The following SYT1 variants were observed in gnomAD, a reference collection of about 807,000 sequenced individuals.
The protein encoded by SYT1 is synaptotagmin 1.
SYT1 carries 8 observed loss-of-function variants against 44.8 expected under a neutral mutation model. That is an observed-to-expected ratio of 0.18 (90% confidence interval 0.10 to 0.32). SYT1 has a LOEUF of 0.32. Ranked by LOEUF, SYT1 falls within the 10% of genes least tolerant of loss-of-function variation. The probability of loss-of-function intolerance (pLI) is 1.00; values close to 1 mark genes in which losing one functional copy is unlikely to be tolerated. For synonymous variants in SYT1, 154 were observed against 188.8 expected (o/e 0.82, Z 1.51); for missense variants, 286 against 509.3 (o/e 0.56, Z 4.22).
chr12:78,916,787 T>G (rs1009339698), intron 1 of SYT1, among the ~76,000 whole-genome samples: 1 of 152,058 alleles, frequency 6.6e-6, no homozygotes, highest in African/African-American at 2.4e-5. Flanking sequence ...AGACTTTATT[T>G]TTTAGAGCAC....
At position 78,941,065 on chromosome 12, in the gene SYT1, C is replaced by CTT. The variant is rs398044555; in HGVS notation, c.-216-36717_-216-36716dup. 5.4e-3 allele frequency among the ~76,000 whole-genome samples: 368 copies of CTT among 68,440 alleles called. 12 individuals carry two copies. Among genetic ancestry groups the CTT allele is most frequent in the Middle Eastern group, 0.011 (1 of 88 alleles). 44.9% of individuals were successfully genotyped at this position (68,440 alleles called of 152,430 possible). Reference sequence around the variant, plus strand: ...CTTTACTTTTTTTTTCTTTTTTTTTCTTTTTTTTTTTTTTTTTTGAGATGG... The same window carrying CTT: ...CTTTACTTTTTTTTTCTTTTTTTTTCTTTTTTTTTTTTTTTTTTTTGAGATGG... On this transcript the variant is annotated intron_variant, in intron 1 of 10. Transcript: ENST00000261205.
chr12:79,421,117 C>T (rs1869085623), intron 9 of SYT1, among the ~76,000 whole-genome samples: 1 of 152,042 alleles, frequency 6.6e-6, no homozygotes, highest in Non-Finnish European at 1.5e-5. Context: ...CACCACTCTG[C>T]TTTTTTTATT....
chr12:79,390,137 T>G (rs939852410), intron 9 of SYT1, among the ~76,000 whole-genome samples: 10 of 151,996 alleles, frequency 6.6e-5, no homozygotes, highest in Middle Eastern at 3.4e-3. Flanking sequence ...GTTTCACTGT[T>G]TTAGCCAGGA....
chr12:78,911,912 A>C (rs111903460), intron 1 of SYT1, among the ~76,000 whole-genome samples: 4,920 of 152,104 alleles, frequency 0.032, 121 homozygotes, highest in Admixed American at 0.052. Context: ...AAATGTGATG[A>C]ATATTTGTTG....
intron 1 of SYT1, among the ~76,000 whole-genome samples, chr12:78,916,292 G>A (rs776239229): frequency 3.9e-5 from 6 of 151,932 alleles, no homozygotes; most frequent in Non-Finnish European, 7.4e-5. Flanking sequence ...ATGGTTTCTT[G>A]TTTAAAATAT....
chr12:79,084,501 T>A (rs1376918336), intron 3 of SYT1, among the ~76,000 whole-genome samples: 1 of 152,102 alleles, frequency 6.6e-6, no homozygotes, highest in Non-Finnish European at 1.5e-5. Context: ...TTTGCCTAAA[T>A]CTGAGGTCCA....
intron 3 of SYT1, among the ~76,000 whole-genome samples, chr12:79,065,067 A>G (rs375869911): frequency 6.6e-6 from 1 of 152,114 alleles, no homozygotes. Context: ...CATTCTTCAC[A>G]CATTCCAATT....
intron 8 of SYT1, among the ~76,000 whole-genome samples, chr12:79,322,377 C>G (rs1881405350): frequency 6.6e-6 from 1 of 152,040 alleles, no homozygotes; most frequent in Non-Finnish European, 1.5e-5. Flanking sequence ...TGAGATTTAC[C>G]ACTTACATGC....
intron 1 of SYT1, among the ~76,000 whole-genome samples, chr12:78,966,858 T>C (rs1045551353): frequency 6.6e-6 from 1 of 152,184 alleles, no homozygotes; most frequent in African/African-American, 2.4e-5. Context: ...TCATTGTTGA[T>C]TTCTGAGTTA....
chr12:79,024,221 C>T lies in SYT1; in HGVS notation c.-83-23076C>T, dbSNP rs779581644. ...CATTTACTGAAGGACAATTCAAAGA[C>T]GTATTTGCTGGGTAATGGGATTGAG... On this transcript the variant is annotated intron_variant, in intron 2 of 10. Transcript: ENST00000261205. 9.9e-5 allele frequency among the ~76,000 whole-genome samples: 15 copies of T among 151,628 alleles called. 1 individual carries two copies. The highest frequency in any genetic ancestry group is 2.4e-4 in the African/African-American group (10 of 41,320).
chr12:79,349,043 A>AAGAAAGAAAG (rs1565919946), intron 8 of SYT1, among the ~76,000 whole-genome samples: 14 of 140,354 alleles, frequency 1.0e-4, no homozygotes, highest in African/African-American at 2.2e-4. Flanking sequence ...AAAAGAAAGA[A>AAGAAAGAAAG]AGAAAGAAAG....
At chr12:79,108,480 T>G (rs1878837120) in intron 3 of SYT1, among the ~76,000 whole-genome samples, 1 of 151,948 alleles carries the variant, frequency 6.6e-6, no homozygotes, top group East Asian at 1.9e-4. Flanking sequence ...AGAGAAAGCT[T>G]TTTTATCTCT....
chr12:79,002,728 G>A (rs1870822853), intron 2 of SYT1, among the ~76,000 whole-genome samples: 1 of 151,954 alleles, frequency 6.6e-6, no homozygotes, highest in Non-Finnish European at 1.5e-5. Context: ...CAAATTCACT[G>A]AGTCACTCCA....
chr12:79,147,845 C>G (rs945856849), intron 3 of SYT1, among the ~76,000 whole-genome samples: 1 of 151,990 alleles, frequency 6.6e-6, no homozygotes, highest in African/African-American at 2.4e-5. Flanking sequence ...TAAAATTTTT[C>G]AAGGATGTAT....
At chr12:79,308,476 C>T (rs1445912801) in intron 8 of SYT1, among the ~76,000 whole-genome samples, 6 of 150,068 alleles carry the variant, frequency 4.0e-5, no homozygotes, top group Admixed American at 1.3e-4. Flanking sequence ...TGCCATTGCA[C>T]TGCAGCCTAT....
At chr12:79,124,478 A>G (rs1025038799) in intron 3 of SYT1, among the ~76,000 whole-genome samples, 7 of 152,164 alleles carry the variant, frequency 4.6e-5, no homozygotes, top group African/African-American at 1.7e-4. Flanking sequence ...TAGATAATAT[A>G]TGGATAATCT....
chr12:79,417,577 A>C (rs1468350171), intron 9 of SYT1, among the ~76,000 whole-genome samples: 1 of 152,134 alleles, frequency 6.6e-6, no homozygotes, highest in African/African-American at 2.4e-5. Flanking sequence ...ATTGGTTTTA[A>C]TTAGCTTCTC....
intron 3 of SYT1, among the ~76,000 whole-genome samples, chr12:79,161,042 A>G (rs1870917059): frequency 6.6e-6 from 1 of 152,042 alleles, no homozygotes; most frequent in African/African-American, 2.4e-5. Flanking sequence ...AGACCATCCT[A>G]GGCAATATAG....
At chr12:78,989,867 A>G (rs1869900018) in intron 2 of SYT1, among the ~76,000 whole-genome samples, 1 of 152,128 alleles carries the variant, frequency 6.6e-6, no homozygotes, top group African/African-American at 2.4e-5. Flanking sequence ...ATTTAAAATC[A>G]GGACCAGATG....
Sources: gnomAD v4.1 joint callset for allele counts (sites outside exome capture counted in the v4.1 genomes callset) on GRCh38, gnomAD v4.1.1 for gene constraint, MANE v1.5 for transcripts, NCBI Gene and HGNC (gene_info 2026-07-23, HGNC 2026-07-21) for gene names.